The following ALK variants were observed in gnomAD, a reference collection of about 807,000 sequenced individuals.
ALK encodes ALK receptor tyrosine kinase.
Under a neutral mutation model 163.1 loss-of-function variants are expected in ALK, and 74 were observed. The ratio of observed to expected loss-of-function variants is 0.45; its 90% CI spans 0.38 to 0.55. The LOEUF is 0.55. ALK is among the 20% of genes least tolerant of loss of function. The probability of loss-of-function intolerance (pLI) is 0.00; values close to 1 mark genes in which losing one functional copy is unlikely to be tolerated. For missense variants in ALK, 2,063 were observed against 2,105.3 expected (o/e 0.98, Z 0.39); for synonymous variants, 960 against 843.2 (o/e 1.14, Z -2.40).
At chr2:29,668,592 A>G (rs993036671) in intron 3 of ALK, among the ~76,000 whole-genome samples, 4 of 152,152 alleles carry the variant, frequency 2.6e-5, no homozygotes, top group African/African-American at 7.2e-5. Context: ...GTTTTATCCC[A>G]TTGTGGGCAG....
chr2:29,568,846 T>C (rs377130230), intron 3 of ALK, among the ~76,000 whole-genome samples: 7 of 152,308 alleles, frequency 4.6e-5, no homozygotes, highest in African/African-American at 1.7e-4. Context: ...AAACAATCGC[T>C]TGGCAGTGGT....
At chr2:29,257,089 G>A (rs1263059486) in intron 11 of ALK, among the ~76,000 whole-genome samples, 1 of 152,142 alleles carries the variant, frequency 6.6e-6, no homozygotes, top group Non-Finnish European at 1.5e-5. Context: ...CCTGCTGAGG[G>A]TCTGCCTTGG....
At chr2:29,849,019 TG>T (rs1445343202) in intron 1 of ALK, among the ~76,000 whole-genome samples, 1 of 152,172 alleles carries the variant, frequency 6.6e-6, no homozygotes, top group Non-Finnish European at 1.5e-5. Context: ...CACCTGCCCT[TG>T]GCAGTGTCCC....
At position 29,707,803 on chromosome 2, in the gene ALK, C is replaced by T. The variant is rs116952751; in HGVS notation, c.787+9775G>A. Among the ~76,000 whole-genome samples the T allele has an allele frequency of 1.6e-4, 25 of 152,264 alleles. No homozygotes were observed. The East Asian group carries it at 4.8e-3, about 29-fold the overall frequency. Reference sequence around the variant, plus strand: ...CACCAAAACCCACCTTTTGCTGTGCCCTGGGCACATTCAGATCTGTCGTCA... The same window carrying T: ...CACCAAAACCCACCTTTTGCTGTGCTCTGGGCACATTCAGATCTGTCGTCA... On this transcript the variant is annotated intron_variant, in intron 2 of 28. Transcript: ENST00000389048.
intron 1 of ALK, among the ~76,000 whole-genome samples, chr2:29,906,896 A>G (rs920286728): frequency 7.3e-5 from 11 of 150,598 alleles, no homozygotes; most frequent in Non-Finnish European, 1.3e-4. Context: ...CTTGGAAAAT[A>G]GTGATCCCCA....
chr2:29,239,855 C>A (rs756084001), intron 12 of ALK, 25 bp from the exon 13 acceptor site: 17 of 1,609,714 alleles, frequency 1.1e-5, no homozygotes, highest in African/African-American at 2.7e-5. Context: ...AGAACGTTGG[C>A]TCCCGCTGTG....
chr2:29,820,948 T>C (rs1055190272), intron 1 of ALK, among the ~76,000 whole-genome samples: 2 of 152,164 alleles, frequency 1.3e-5, no homozygotes, highest in Admixed American at 6.5e-5. Context: ...GGATACATGT[T>C]GTTCTCAGGG....
At chr2:29,894,779 T>G (rs1014412879) in intron 1 of ALK, among the ~76,000 whole-genome samples, 26 of 152,050 alleles carry the variant, frequency 1.7e-4, no homozygotes, top group Non-Finnish European at 2.9e-4. Context: ...ACTATTTTGC[T>G]TTTCTAGGAG....
chr2:29,850,427 G>A (rs4665484), intron 1 of ALK, among the ~76,000 whole-genome samples: 1 of 152,200 alleles, frequency 6.6e-6, no homozygotes, highest in South Asian at 2.1e-4. Flanking sequence ...TGCACTTAAG[G>A]TTTATGTAAT....
intron 3 of ALK, among the ~76,000 whole-genome samples, chr2:29,602,400 A>G (rs1391366729): frequency 6.6e-6 from 1 of 152,078 alleles, no homozygotes; most frequent in African/African-American, 2.4e-5. Flanking sequence ...TTTTGAATGA[A>G]CTCTTTAATA....
chr2:29,360,267 G>C (rs1468127842), intron 5 of ALK, among the ~76,000 whole-genome samples: 1 of 152,136 alleles, frequency 6.6e-6, no homozygotes, highest in Non-Finnish European at 1.5e-5. Context: ...CCCTCTCTGG[G>C]AAGAGTCTTC....
At chr2:29,847,984 A>G (rs1303763764) in intron 1 of ALK, among the ~76,000 whole-genome samples, 1 of 152,116 alleles carries the variant, frequency 6.6e-6, no homozygotes, top group African/African-American at 2.4e-5. Flanking sequence ...TCTGGCTCCA[A>G]AAAATAGGCC....
intron 1 of ALK, among the ~76,000 whole-genome samples, chr2:29,803,819 A>C (rs1307765315): frequency 6.6e-6 from 1 of 152,232 alleles, no homozygotes; most frequent in African/African-American, 2.4e-5. Context: ...TTGGTGCGTC[A>C]TGCCTCATAA....
chr2:29,375,306 ATTTTAT>A, intron 5 of ALK, among the ~76,000 whole-genome samples: 1 of 144,900 alleles, frequency 6.9e-6, no homozygotes. Flanking sequence ...TCCCTATTTT[ATTTTAT>A]TTTTATTTTT....
At chr2:29,537,408 C>T (rs1021165969) in intron 3 of ALK, among the ~76,000 whole-genome samples, 9 of 152,326 alleles carry the variant, frequency 5.9e-5, no homozygotes, top group Admixed American at 2.6e-4. Flanking sequence ...GGCCCAGGTA[C>T]GGCTCCAGAC....
At chr2:29,615,366 A>T (rs1029715146) in intron 3 of ALK, among the ~76,000 whole-genome samples, 13 of 152,144 alleles carry the variant, frequency 8.5e-5, no homozygotes, top group Admixed American at 5.2e-4. Flanking sequence ...CTGGAGTCAC[A>T]TTCCAGCTCC....
chr2:29,383,465 C>T (rs1005193396), intron 5 of ALK, among the ~76,000 whole-genome samples: 22 of 152,122 alleles, frequency 1.4e-4, no homozygotes, highest in South Asian at 6.2e-4. Flanking sequence ...TACAGACGCA[C>T]ATCACCACAC....
chr2:29,768,910 TGCA>T (rs1680938907), intron 1 of ALK, among the ~76,000 whole-genome samples: 1 of 152,106 alleles, frequency 6.6e-6, no homozygotes, highest in Non-Finnish European at 1.5e-5. Flanking sequence ...CACAGCTCAC[TGCA>T]GCCTTGACTT....
At chr2:29,337,975 A>G (rs1394366444) in intron 5 of ALK, among the ~76,000 whole-genome samples, 1 of 152,204 alleles carries the variant, frequency 6.6e-6, no homozygotes, top group African/African-American at 2.4e-5. Context: ...CCTAATGTAC[A>G]AGATTTATGT....
Sources: allele counts gnomAD v4.1 joint callset (sites outside exome capture counted in the v4.1 genomes callset), GRCh38; gene constraint gnomAD v4.1.1; transcripts MANE v1.5; gene names NCBI Gene and HGNC (gene_info 2026-07-23, HGNC 2026-07-21).